Variants in THAP5 observed in about 807,000 individuals in gnomAD.
The protein encoded by THAP5 is THAP domain containing 5, also known as THAP domain-containing protein 5.
In THAP5, 26 loss-of-function variants were observed where a neutral mutation model predicts 34.0. That is an observed-to-expected ratio of 0.77 (90% CI 0.56 to 1.06). THAP5 has a LOEUF of 1.06. Among genes scored for constraint, THAP5 ranks in the 50% least tolerant of loss-of-function variants. The pLI, the probability that THAP5 is intolerant of heterozygous loss-of-function variation, is 0.00. For synonymous variants in THAP5, 125 were observed against 153.0 expected (o/e 0.82, Z 1.35); for missense variants, 394 against 452.8 (o/e 0.87, Z 1.18).
At chr7:108,548,917 T>C in the THAP5 span, among the ~76,000 whole-genome samples, 2 of 152,138 alleles carry the variant, frequency 1.3e-5, no homozygotes, top group African/African-American at 2.4e-5. Flanking sequence ...AGTGAGCCCA[T>C]AGCTCTTACA....
At chr7:108,551,699 GCAATGATTCT>G (rs1428899084), downstream of THAP5, among the ~76,000 whole-genome samples, 4 of 152,176 alleles carry the variant, frequency 2.6e-5, no homozygotes, top group Non-Finnish European at 4.4e-5. Context: ...TCACTGTACA[GCAATGATTCT>G]CAACTTTTGC....
At chr7:108,560,129 T>G (rs1321650047), downstream of THAP5, among the ~76,000 whole-genome samples, 1 of 152,240 alleles carries the variant, frequency 6.6e-6, no homozygotes, top group East Asian at 1.9e-4. Flanking sequence ...CATGTTGTCT[T>G]GTACAGTACT....
downstream of THAP5, among the ~76,000 whole-genome samples, chr7:108,550,784 G>C (rs1864348408): frequency 6.6e-6 from 1 of 152,118 alleles, no homozygotes; most frequent in Non-Finnish European, 1.5e-5. Flanking sequence ...ATAGCAATAA[G>C]GCTCACCCTA....
rs1052163426 is a variant in THAP5, at chr7:108,563,100, A to G, written c.*1091T>C. The G allele has an allele frequency of 6.6e-5, 10 of 152,192 alleles. No individual in the cohort carries two copies. The highest frequency in any genetic ancestry group is 2.4e-4 in the African/African-American group (10 of 41,442). The allele number at this position is 152,192 out of a possible 1,614,324, so 9.4% of individuals were successfully genotyped here. ...TAAGTTTAACTGTATAAATACAGAAAGTTTAGCTTAGATGACTATGTATTT... is the reference window on the plus strand; with the variant it reads ...TAAGTTTAACTGTATAAATACAGAAGGTTTAGCTTAGATGACTATGTATTT... On this transcript the variant is annotated 3_prime_UTR_variant, in exon 3 of 3. Coordinates refer to ENST00000415914, the MANE Select transcript of THAP5 (RefSeq NM_001130475.3).
At chr7:108,542,056 A>G in the THAP5 span, among the ~76,000 whole-genome samples, 1 of 152,238 alleles carries the variant, frequency 6.6e-6, no homozygotes, top group African/African-American at 2.4e-5. Context: ...GATCAGGAAA[A>G]AAAACCCTTA....
At position 108,563,151 on chromosome 7, in the gene THAP5, G is replaced by T. The variant is rs946444172; in HGVS notation, c.*1040C>A. On this transcript the variant is annotated 3_prime_UTR_variant, in exon 3 of 3. Coordinates refer to ENST00000415914, the MANE Select transcript of THAP5 (RefSeq NM_001130475.3). ...GATGGTTAGCCACATATAAGTTACC[G>T]AAATACATATTCTTTCAAGTTTGAA... 1.1e-4 allele frequency: 16 copies of T among 152,062 alleles called. 1 individual carries two copies. The highest frequency in any genetic ancestry group is 4.4e-5 in the Non-Finnish European group (3 of 68,008). 9.4% of individuals were successfully genotyped at this position (152,062 alleles called of 1,614,324 possible). A position where few individuals can be genotyped will look rare whatever the true frequency, so the allele number is the denominator to read the frequency against.
At chr7:108,557,397 T>C (rs1864393708), downstream of THAP5, among the ~76,000 whole-genome samples, 2 of 152,360 alleles carry the variant, frequency 1.3e-5, no homozygotes, top group South Asian at 4.1e-4. Flanking sequence ...TCTTTGTTCA[T>C]GCATATAAGT....
chr7:108,561,146 AG>A (rs1244052715), downstream of THAP5, among the ~76,000 whole-genome samples: 1 of 152,228 alleles, frequency 6.6e-6, no homozygotes, highest in Non-Finnish European at 1.5e-5. Context: ...TGCAACCAAA[AG>A]AACCCTAACT....
chr7:108,566,209 G>A (rs40947), intron 1 of THAP5, among the ~76,000 whole-genome samples, 187 bp from the exon 2 acceptor site: 44,078 of 152,010 alleles, frequency 0.29, 6,768 homozygotes, highest in Non-Finnish European at 0.34. Context: ...TCTGCAGTAA[G>A]AGGCCTAAGA....
downstream of THAP5, among the ~76,000 whole-genome samples, chr7:108,560,431 A>G (rs1465254198): frequency 3.3e-5 from 5 of 152,220 alleles, no homozygotes; most frequent in Admixed American, 1.3e-4. Context: ...ACTGCAGCCT[A>G]TAAGACAGGA....
chr7:108,553,175 A>T (rs116110535), downstream of THAP5, among the ~76,000 whole-genome samples: 2 of 152,042 alleles, frequency 1.3e-5, no homozygotes, highest in East Asian at 3.8e-4. Context: ...CTAAATTACA[A>T]TGTCTTCAGT....
At chr7:108,558,035 A>G (rs1394512363), downstream of THAP5, among the ~76,000 whole-genome samples, 1 of 152,122 alleles carries the variant, frequency 6.6e-6, no homozygotes, top group Non-Finnish European at 1.5e-5. Flanking sequence ...TGAAGCAGCA[A>G]GTGCTACACA....
the THAP5 span, among the ~76,000 whole-genome samples, chr7:108,549,101 C>CACACACAT: frequency 1.3e-5 from 2 of 149,324 alleles, no homozygotes; most frequent in African/African-American, 4.9e-5. Flanking sequence ...CACACACACA[C>CACACACAT]ACACACACAC....
At chr7:108,547,037 G>C in the THAP5 span, among the ~76,000 whole-genome samples, 2 of 152,228 alleles carry the variant, frequency 1.3e-5, no homozygotes, top group African/African-American at 4.8e-5. Flanking sequence ...GTGTTTCAAA[G>C]CACCAAGTTT....
Position 108,564,462 on chromosome 7 carries a change from G to A in THAP5, c.917C>T (p.Ser306Phe), listed in dbSNP as rs764146534. 3.1e-6 allele frequency: 5 copies of A among 1,613,876 alleles called. No homozygotes were observed. Among genetic ancestry groups the A allele is most frequent in the African/African-American group, 1.3e-5 (1 of 75,022 alleles). ...CCCATAGTCTACATCCTTATACAAGGAGTCTTCAATGTCTGTGTCTTCCAT... is the reference window on the plus strand; with the variant it reads ...CCCATAGTCTACATCCTTATACAAGAAGTCTTCAATGTCTGTGTCTTCCAT... ...TEMEDTDIED[S>F]LYKDVDYGTE... The change falls in exon 3 of 3, where the codon TCC (serine) becomes TTC (phenylalanine). Residue 306 changes from serine (S) to phenylalanine (F), a missense_variant. Physicochemically the swap from Ser to Phe is radical, Grantham distance 155. Coordinates refer to ENST00000415914, the MANE Select transcript of THAP5 (RefSeq NM_001130475.3).
downstream of THAP5, among the ~76,000 whole-genome samples, chr7:108,551,037 C>T (rs1414843977): frequency 2.6e-5 from 4 of 152,044 alleles, no homozygotes; most frequent in Non-Finnish European, 4.4e-5. Context: ...GAGCTCTTTA[C>T]GTTTTTATAA....
chr7:108,565,286 G>A (rs886376353), intron 2 of THAP5, 181 bp from the exon 3 acceptor site: 47 of 471,704 alleles, frequency 1.0e-4, no homozygotes, highest in Non-Finnish European at 1.6e-4. Flanking sequence ...TTCAATATAC[G>A]GCAGAAACAT....
downstream of THAP5, among the ~76,000 whole-genome samples, chr7:108,558,381 G>GTATATATATATA (rs66806128): frequency 0.015 from 1,388 of 93,632 alleles, 28 homozygotes; most frequent in Middle Eastern, 0.024. Context: ...GTGTGTGTAT[G>GTATATATATATA]TATATATATA....
At position 108,563,537 on chromosome 7, in the gene THAP5, C is replaced by CAAAAAAAAAAAAA. The variant is rs869034514; in HGVS notation, c.*641_*653dup. ...TGGGTTACAGAGTGAGACTCCATCT[C>CAAAAAAAAAAAAA]AAAAAAAAAAAAAAAAAAAAAAAAA... On this transcript the variant is annotated 3_prime_UTR_variant, in exon 3 of 3. Coordinates refer to ENST00000415914, the MANE Select transcript of THAP5 (RefSeq NM_001130475.3). 2.9e-5 allele frequency: 2 copies of CAAAAAAAAAAAAA among 68,468 alleles called. No individual in the cohort carries two copies. Among genetic ancestry groups the CAAAAAAAAAAAAA allele is most frequent in the African/African-American group, 1.2e-4 (2 of 17,170 alleles). The allele number at this position is 68,468 out of a possible 1,614,324, so 4.2% of individuals were successfully genotyped here. A position where few individuals can be genotyped will look rare whatever the true frequency, so the allele number is the denominator to read the frequency against.
Sources: gnomAD v4.1 joint callset for allele counts (sites outside exome capture counted in the v4.1 genomes callset) on GRCh38, gnomAD v4.1.1 for gene constraint, MANE v1.5 for transcripts, NCBI Gene and HGNC (gene_info 2026-07-23, HGNC 2026-07-21) for gene names.